The following GTF2E2 variants were observed in gnomAD, a reference collection of about 807,000 sequenced individuals.
GTF2E2 encodes the protein general transcription factor IIE subunit 2.
Under a neutral mutation model 40.5 loss-of-function variants are expected in GTF2E2, and 21 were observed. The observed-to-expected ratio is 0.52, with a 90% CI of 0.37 to 0.75. The LOEUF is 0.75. Among genes scored for constraint, GTF2E2 ranks in the 30% least tolerant of loss-of-function variants. The pLI is 0.00. For missense variants in GTF2E2, 298 were observed against 338.4 expected, an observed-to-expected ratio of 0.88 and a Z score of 0.94; for synonymous variants, 117 against 121.6, an observed-to-expected ratio of 0.96 and a Z score of 0.25.
At chr8:30,600,208 G>T (rs1829137812) in intron 6 of GTF2E2, among the ~76,000 whole-genome samples, 1 of 152,192 alleles carries the variant, frequency 6.6e-6, no homozygotes, top group East Asian at 1.9e-4. Context: ...CAGCACAAAT[G>T]TGGCCTGAGA....
intron 2 of GTF2E2, among the ~76,000 whole-genome samples, chr8:30,642,380 C>T (rs1801876934): frequency 6.6e-6 from 1 of 151,040 alleles, no homozygotes; most frequent in Non-Finnish European, 1.5e-5. Context: ...TTACTCCATA[C>T]TAATCCATAT....
chr8:30,579,550 GAA>G (rs1828448307), intron 7 of GTF2E2, among the ~76,000 whole-genome samples: 1 of 152,154 alleles, frequency 6.6e-6, no homozygotes, highest in Non-Finnish European at 1.5e-5. Flanking sequence ...CTCATTTGTG[GAA>G]AGAGATTGAC....
chr8:30,647,762 A>G (rs1307997718), intron 2 of GTF2E2, among the ~76,000 whole-genome samples: 3 of 152,188 alleles, frequency 2.0e-5, no homozygotes, highest in Non-Finnish European at 2.9e-5. Flanking sequence ...AACCATATAC[A>G]TTTTCACAAA....
At chr8:30,648,755 T>C (rs566422438) in intron 2 of GTF2E2, among the ~76,000 whole-genome samples, 2 of 152,336 alleles carry the variant, frequency 1.3e-5, no homozygotes, top group Non-Finnish European at 2.9e-5. Flanking sequence ...TGAGTGACTA[T>C]AACTAGCTAA....
At chr8:30,632,274 T>G (rs1801460389) in intron 3 of GTF2E2, among the ~76,000 whole-genome samples, 1 of 152,244 alleles carries the variant, frequency 6.6e-6, no homozygotes, top group Non-Finnish European at 1.5e-5. Context: ...TCATATAATT[T>G]TCAGCTCAAA....
At chr8:30,595,038 A>G (rs1413117721) in intron 6 of GTF2E2, among the ~76,000 whole-genome samples, 1 of 152,128 alleles carries the variant, frequency 6.6e-6, no homozygotes, top group East Asian at 1.9e-4. Context: ...CTCCGTGTTC[A>G]TTTAGATTAG....
At chr8:30,655,867 G>C (rs1405103269) in intron 1 of GTF2E2, among the ~76,000 whole-genome samples, 4 of 152,010 alleles carry the variant, frequency 2.6e-5, no homozygotes, top group African/African-American at 9.7e-5. Context: ...GCAGAGTGCA[G>C]TGGTGCAATC....
rs565971008 is a variant in GTF2E2 at position 30,647,504 on chromosome 8, C to T, written c.166+5929G>A. Among the ~76,000 whole-genome samples the T allele has an allele frequency of 2.0e-5, 3 of 152,258 alleles. No individual in the cohort carries two copies. The East Asian group carries it at 5.8e-4, about 29-fold the overall frequency. On this transcript the variant is annotated intron_variant, in intron 2 of 7. Transcript: ENST00000355904. ...GAGGCTGAGGCAGAATCACTTGAAC[C>T]TGGGAGGCAGAGGTTGCAGTGAGCT...
intron 3 of GTF2E2, among the ~76,000 whole-genome samples, chr8:30,619,258 G>A (rs566466223): frequency 1.3e-5 from 2 of 152,170 alleles, no homozygotes; most frequent in South Asian, 4.1e-4. Context: ...TAGTTTTACA[G>A]TACTTTGAGT....
At chr8:30,652,255 C>A (rs879519911) in intron 2 of GTF2E2, among the ~76,000 whole-genome samples, 4 of 151,886 alleles carry the variant, frequency 2.6e-5, no homozygotes, top group African/African-American at 4.8e-5. Flanking sequence ...TTTGTACATA[C>A]AAAGACACTA....
chr8:30,581,532 A>G (rs562028504), intron 6 of GTF2E2, among the ~76,000 whole-genome samples: 3 of 152,334 alleles, frequency 2.0e-5, no homozygotes, highest in Admixed American at 1.3e-4. Flanking sequence ...CCTACCCTGA[A>G]GCTTTTCATT....
intron 6 of GTF2E2, among the ~76,000 whole-genome samples, chr8:30,600,968 T>C (rs1364321393): frequency 1.3e-5 from 2 of 152,248 alleles, no homozygotes; most frequent in East Asian, 3.8e-4. Flanking sequence ...TAAAGCATTC[T>C]GAGGCTAGAG....
chr8:30,649,258 A>C (rs1802196095), intron 2 of GTF2E2, among the ~76,000 whole-genome samples: 1 of 152,138 alleles, frequency 6.6e-6, no homozygotes, highest in Non-Finnish European at 1.5e-5. Flanking sequence ...ATCAATAAAA[A>C]TTATTATTGC....
At chr8:30,656,513 A>G (rs1222436176) in intron 1 of GTF2E2, among the ~76,000 whole-genome samples, 1 of 152,210 alleles carries the variant, frequency 6.6e-6, no homozygotes, top group Non-Finnish European at 1.5e-5. Context: ...AAATTACTCT[A>G]AAAGATTTAA....
intron 6 of GTF2E2, among the ~76,000 whole-genome samples, chr8:30,601,771 T>C (rs140352462): frequency 6.6e-6 from 1 of 152,352 alleles, no homozygotes; most frequent in East Asian, 1.9e-4. Context: ...ACACAGAATA[T>C]AGCATTATTA....
At chr8:30,601,817 T>A (rs1178787080) in intron 6 of GTF2E2, among the ~76,000 whole-genome samples, 2 of 152,200 alleles carry the variant, frequency 1.3e-5, no homozygotes, top group African/African-American at 4.8e-5. Flanking sequence ...TACTTTGTAT[T>A]TTCAGAACTT....
chr8:30,626,249 G>A (rs1173870446), intron 3 of GTF2E2, among the ~76,000 whole-genome samples: 4 of 152,208 alleles, frequency 2.6e-5, no homozygotes, highest in Non-Finnish European at 4.4e-5. Context: ...CACTTTGGGA[G>A]GCCAACGTGG....
At chr8:30,594,348 C>T (rs1161306024) in intron 6 of GTF2E2, among the ~76,000 whole-genome samples, 1 of 151,818 alleles carries the variant, frequency 6.6e-6, no homozygotes, top group East Asian at 2.0e-4. Context: ...ACCTCCACCT[C>T]CCCAGCTGAA....
intron 5 of GTF2E2, among the ~76,000 whole-genome samples, chr8:30,609,278 AAAGAGAAAG>A (rs1357635386): frequency 9.2e-6 from 1 of 108,774 alleles, no homozygotes; most frequent in Non-Finnish European, 1.9e-5. Context: ...AAAAAAAAAA[AAAGAGAAAG>A]AAAGAAAGAA....
Sources: allele counts gnomAD v4.1 joint callset (sites outside exome capture counted in the v4.1 genomes callset), GRCh38; gene constraint gnomAD v4.1.1; transcripts MANE v1.5; gene names NCBI Gene and HGNC (gene_info 2026-07-23, HGNC 2026-07-21).